Variants in TTN observed in about 807,000 individuals in gnomAD.
TTN encodes connectin.
A neutral mutation model predicts 3,223.0 loss-of-function variants in TTN; 1,525 were observed. The ratio of observed to expected loss-of-function variants is 0.47; its 90% CI spans 0.45 to 0.49. TTN has a LOEUF of 0.49. Ranked by LOEUF, TTN falls within the 20% of genes least tolerant of loss-of-function variation. TTN has a pLI of 0.00. For missense variants in TTN, 40,786 were observed against 43,424.0 expected, an observed-to-expected ratio of 0.94 and a Z score of 5.40; for synonymous variants, 14,094 against 15,161.0, an observed-to-expected ratio of 0.93 and a Z score of 5.17.
Position 178,614,950 on chromosome 2 carries a change from A to C in TTN, c.48657T>G (p.Leu16219=). 6.3e-7 allele frequency: 1 copy of C among 1,598,032 alleles called. No individual in the cohort carries two copies. Among genetic ancestry groups the C allele is most frequent in the Non-Finnish European group, 8.5e-7 (1 of 1,171,588 alleles). ...VAETKMEVTG[L]EEGKWYAYRV... The stretch of plus-strand genomic sequence containing the variant: ...GGTAGGCATACCATTTGCCTTCCTC[A>C]AGACCTGTCACTTCCATTCTGTCAG... The change falls in exon 260 of 363, where the codon CTT becomes CTG. Residue 16219 remains leucine (L), a synonymous_variant. Coordinates refer to ENST00000589042, the MANE Select transcript of TTN (RefSeq NM_001267550.2).
chr2:178,695,321 T>C (rs1221670892), intron 115 of TTN, 27 bp downstream of exon 115: 1 of 1,584,978 alleles, frequency 6.3e-7, no homozygotes, highest in East Asian at 2.2e-5. Context: ...GATGCTCTAG[T>C]CTATTTAAAT....
Position 178,530,971 on chromosome 2 carries a change from G to A in TTN, c.105644C>T (p.Thr35215Ile), listed in dbSNP as rs1340897756. ...NSEGKQEAEF[T>I]LTIQKARVTE... ...TACCCTGGCCTTTTGAATAGTCAGAGTGAACTCTGCTTCTTGTTTCCCTTC... is the reference window on the plus strand; with the variant it reads ...TACCCTGGCCTTTTGAATAGTCAGAATGAACTCTGCTTCTTGTTTCCCTTC... The change falls in exon 358 of 363, where the codon ACT becomes ATT. Residue 35215 changes from threonine to isoleucine, a missense_variant. Coordinates refer to ENST00000589042, the MANE Select transcript of TTN (RefSeq NM_001267550.2). 5 of 1,613,888 alleles carry A rather than the reference G, an allele frequency of 3.1e-6. No homozygotes were observed. The highest frequency in any genetic ancestry group is 2.2e-5 in the East Asian group (1 of 44,892).
chr2:178,583,120 C>G lies in TTN; in HGVS notation c.65683G>C (p.Val21895Leu). The G allele has an allele frequency of 6.2e-7, 1 of 1,611,974 alleles. No homozygotes were observed. Among genetic ancestry groups the G allele is most frequent in the Non-Finnish European group, 8.5e-7 (1 of 1,178,908 alleles). ...ATVFGKPMPT[V>L]SWKKDGTLLK... ...AGTGTGCCATCTTTTTTCCAAGAAA[C>G]TGTTGGCATCGGTTTACCAAAAACA... is the stretch of plus-strand genomic sequence containing the variant. Residue 21895 changes from valine to leucine, a missense_variant, in exon 313 of 363, where the codon GTT becomes CTT. Physicochemically the swap from Val to Leu is conservative, Grantham distance 32. Coordinates refer to ENST00000589042, the MANE Select transcript of TTN (RefSeq NM_001267550.2).
intron 7 of TTN, 48 bp from the exon 8 acceptor site, chr2:178,794,599 A>G (rs2093673632): frequency 6.2e-7 from 1 of 1,612,534 alleles, no homozygotes; most frequent in African/African-American, 1.3e-5. Flanking sequence ...TGACATGCCC[A>G]GTAGAAAATA....
At position 178,695,855 on chromosome 2, in the gene TTN, T is replaced by G. The variant is rs191252918; in HGVS notation, c.31207+10A>C. 47 of 1,426,052 alleles carry G rather than the reference T, an allele frequency of 3.3e-5. No individual in the cohort carries two copies. The East Asian group carries it at 1.2e-3, about 36-fold the overall frequency. 88.3% of individuals were successfully genotyped at this position (1,426,052 alleles called of 1,614,324 possible). Reference sequence around the variant, plus strand: ...AAAAGAGGGAAACAAGTCATTCAGTTTATACATACCTTCATAGACCTCCTT... The same window carrying G: ...AAAAGAGGGAAACAAGTCATTCAGTGTATACATACCTTCATAGACCTCCTT... On this transcript the variant is annotated intron_variant, in intron 114 of 362. Transcript: ENST00000589042.
intron 171 of TTN, 44 bp downstream of exon 171, chr2:178,663,583 C>A (rs753112345): frequency 1.9e-6 from 3 of 1,613,270 alleles, no homozygotes; most frequent in East Asian, 2.2e-5. Context: ...TTTTCCAGAG[C>A]AGAAGAGATA....
rs1448766260 is a variant in TTN at position 178,729,425 on chromosome 2, T to C, written c.18731A>G (p.Lys6244Arg). The change falls in exon 64 of 363, where the codon AAA becomes AGA. Residue 6244 changes from lysine (K) to arginine (R), a missense_variant. Transcript: ENST00000589042. ...KNNREIRSSK[K>R]YTLTDRVSVF... ...AGACACTCTGTCGGTCAATGTGTATTTTTTGCTGCTTCGAATTTCCCTGTT... is the reference window on the plus strand; with the variant it reads ...AGACACTCTGTCGGTCAATGTGTATCTTTTGCTGCTTCGAATTTCCCTGTT... 6.2e-7 allele frequency: 1 copy of C among 1,613,616 alleles called. No homozygotes were observed.
intron 223 of TTN, among the ~76,000 whole-genome samples, chr2:178,639,060 T>C (rs2060885491): frequency 6.6e-6 from 1 of 152,086 alleles, no homozygotes; most frequent in Non-Finnish European, 1.5e-5. Context: ...GAGATACCTA[T>C]ATCATTAAGT....
At chr2:178,598,681 T>C (rs747435746) in intron 291 of TTN, 27 bp from the exon 292 acceptor site, 3 of 1,601,974 alleles carry the variant, frequency 1.9e-6, no homozygotes, top group Admixed American at 1.8e-5. Context: ...TACGTTAGTA[T>C]TCTTGACTTT....
rs755488024 is a variant in TTN, at chr2:178,543,388, A to G, written c.96585T>C (p.Asp32195=). ...YGIGEPCETS[D]AVLVSEVPLV... ...AAGGCACTTCTGAGACCAGTACTGC[A>G]TCAGATGTTTCACAAGGTTCTCCAA... Residue 32195 remains aspartate, a synonymous_variant, in exon 347 of 363, where the codon GAT becomes GAC. Transcript: ENST00000589042. 6.2e-7 allele frequency: 1 copy of G among 1,613,874 alleles called. No individual in the cohort carries two copies. Among genetic ancestry groups the G allele is most frequent in the Non-Finnish European group, 8.5e-7 (1 of 1,179,814 alleles).
At position 178,535,858 on chromosome 2, in the gene TTN, G is replaced by GAAAA; in HGVS notation, c.100766-13_100766-10dup. 6 of 1,235,540 alleles carry GAAAA rather than the reference G, an allele frequency of 4.9e-6. No individual in the cohort carries two copies. In the South Asian group the frequency reaches 5.1e-5, roughly 10 times the overall value. 76.5% of individuals were successfully genotyped at this position (1,235,540 alleles called of 1,614,324 possible). A position where few individuals can be genotyped will look rare whatever the true frequency, so the allele number is the denominator to read the frequency against. ...GTGTATCTTAGCTGGAACTGTATCA[G>GAAAA]AAAAAAAAAAAAAAAGAATATAATT... On this transcript the variant is annotated splice_polypyrimidine_tract_variant and intron_variant, in intron 357 of 362. Transcript: ENST00000589042.
At position 178,789,454 on chromosome 2, in the gene TTN, A is replaced by G; in HGVS notation, c.1982T>C (p.Val661Ala). 1.9e-6 allele frequency: 3 copies of G among 1,613,500 alleles called. No homozygotes were observed. The highest frequency in any genetic ancestry group is 2.5e-6 in the Non-Finnish European group (3 of 1,179,604). ...TTGTTCTTTGGCTTTAGCAGTAGCA[A>G]CTGCTATTGTAGACAAGGCAGTTTT... ...AEKTALSTIA[V>A]ATAKAKEQET... is the part of the protein sequence containing the mutation. Residue 661 changes from valine to alanine, a missense_variant, in exon 13 of 363, where the codon GTT becomes GCT. Val to Ala is a moderately conservative substitution (Grantham distance 64). Transcript: ENST00000589042.
rs576552787 is a variant in TTN, at chr2:178,574,547, T to C, written c.71585A>G (p.His23862Arg). 30 of 1,613,616 alleles carry C rather than the reference T, an allele frequency of 1.9e-5. No homozygotes were observed. Among genetic ancestry groups the C allele is most frequent in the Non-Finnish European group, 2.3e-5 (27 of 1,179,626 alleles). ...SDGGSPILGY[H>R]VERKERNGIL... ...ACCATTTCGTTCTTTTCTTTCAACA[T>C]GATATCCTAAAATGGGGCTTCCACC... The change falls in exon 326 of 363, where the codon CAT (histidine) becomes CGT (arginine). Residue 23862 changes from histidine to arginine, a missense_variant. Transcript: ENST00000589042.
Position 178,542,702 on chromosome 2 carries a change from A to G in TTN, c.97152T>C (p.Val32384=), listed in dbSNP as rs368018568. The change falls in exon 348 of 363, where the codon GTT becomes GTC. Residue 32384 remains valine, a synonymous_variant. Transcript: ENST00000589042. ...TAATGGTTTCTGAAGTAGTTCCGGT[A>G]ACATTCTTCAATTCAAGTGTGTATT... ...TGEYTLELKN[V]TGTTSETIKV... 35 of 1,613,700 alleles carry G rather than the reference A, an allele frequency of 2.2e-5. No individual in the cohort carries two copies. Among genetic ancestry groups the G allele is most frequent in the Non-Finnish European group, 2.8e-5 (33 of 1,179,750 alleles).
At chr2:178,659,537 C>T (rs1316233089) in intron 180 of TTN, among the ~76,000 whole-genome samples, 20 of 149,902 alleles carry the variant, frequency 1.3e-4, no homozygotes, top group African/African-American at 3.9e-4. Context: ...ATTGATGGGA[C>T]GTATCTCAAA....
Position 178,718,734 on chromosome 2 carries a change from C to G in TTN, c.24466G>C (p.Ala8156Pro). ...TGTGTGGTACAGGAAGCACTGCCAG[C>G]ATCATTTGTAACGAGGCAAGAATAG... is the stretch of plus-strand genomic sequence containing the variant. ...GDYSCLVTND[A>P]GSASCTTHLF... The change falls in exon 84 of 363, where the codon GCT becomes CCT. Residue 8156 changes from alanine (A) to proline (P), a missense_variant. Physicochemically the swap from Ala to Pro is conservative, Grantham distance 27. Transcript: ENST00000589042. 1 of 1,613,728 alleles carries G rather than the reference C, an allele frequency of 6.2e-7. No homozygotes were observed. Among genetic ancestry groups the G allele is most frequent in the Non-Finnish European group, 8.5e-7 (1 of 1,179,734 alleles).
At chr2:178,796,063 A>G (rs1307052068) in intron 6 of TTN, among the ~76,000 whole-genome samples, 1 of 152,180 alleles carries the variant, frequency 6.6e-6, no homozygotes, top group Non-Finnish European at 1.5e-5. Flanking sequence ...AATAGTTTTC[A>G]TTGTTTGCTT....
Position 178,571,112 on chromosome 2 carries a change from C to T in TTN, c.75020G>A (p.Cys25007Tyr), listed in dbSNP as rs1419626284. Residue 25007 changes from cysteine (C) to tyrosine (Y), a missense_variant, in exon 326 of 363, where the codon TGT (cysteine) becomes TAT (tyrosine). By Grantham distance (194) the Cys-to-Tyr change is radical. Transcript: ENST00000589042. ...VSECYVARDP[C>Y]DPPGRPEAII... Reference sequence around the variant, plus strand: ...TGCCTCTGGCCGTCCTGGTGGATCACATGGGTCACGAGCCACATAACATTC... The same window carrying T: ...TGCCTCTGGCCGTCCTGGTGGATCATATGGGTCACGAGCCACATAACATTC... 3 of 1,613,490 alleles carry T rather than the reference C, an allele frequency of 1.9e-6. No homozygotes were observed. The highest frequency in any genetic ancestry group is 2.5e-6 in the Non-Finnish European group (3 of 1,179,600).
Position 178,538,555 on chromosome 2 carries a change from T to G in TTN, c.99274A>C (p.Lys33092Gln). The G allele has an allele frequency of 6.2e-7, 1 of 1,611,668 alleles. No individual in the cohort carries two copies. Among genetic ancestry groups the G allele is most frequent in the Non-Finnish European group, 8.5e-7 (1 of 1,178,756 alleles). ...SRPRRTAMSI[K>Q]TKLTSGEAPG... ...GGCTACTTACATGTGAGTTTAGTCT[T>G]TATAGACATAGCAGTTCTGCGAGGT... Residue 33092 changes from lysine to glutamine, a missense_variant, in exon 354 of 363, where the codon AAG becomes CAG. Lys to Gln is a moderately conservative substitution (Grantham distance 53). Coordinates refer to ENST00000589042, the MANE Select transcript of TTN (RefSeq NM_001267550.2).
Sources: gnomAD v4.1 joint callset for allele counts (sites outside exome capture counted in the v4.1 genomes callset) on GRCh38, gnomAD v4.1.1 for gene constraint, MANE v1.5 for transcripts, NCBI Gene and HGNC (gene_info 2026-07-23, HGNC 2026-07-21) for gene names.